Variants in NCAM2 observed in about 807,000 individuals in gnomAD.
NCAM2 encodes the protein neural cell adhesion molecule 2.
NCAM2 carries 30 observed loss-of-function variants against 98.1 expected under a neutral mutation model. That is an observed-to-expected ratio of 0.31 (90% CI 0.23 to 0.41). The LOEUF (loss-of-function observed/expected upper bound fraction) is 0.41, where lower values mean the gene tolerates loss of function less well. Among genes scored for constraint, NCAM2 ranks in the 10% least tolerant of loss-of-function variants. The pLI is 1.00. For synonymous variants in NCAM2, 368 were observed against 342.4 expected (o/e 1.07, Z -0.83); for missense variants, 867 against 1,005.8 (o/e 0.86, Z 1.87).
intron 9 of NCAM2, among the ~76,000 whole-genome samples, chr21:21,384,522 A>G (rs192312186): frequency 3.0e-4 from 46 of 152,046 alleles, no homozygotes; most frequent in Admixed American, 2.3e-3. Context: ...AATACCAAAT[A>G]TATTGGAAAT....
At chr21:21,174,240 A>T (rs1281687059) in intron 1 of NCAM2, among the ~76,000 whole-genome samples, 1 of 152,100 alleles carries the variant, frequency 6.6e-6, no homozygotes, top group Non-Finnish European at 1.5e-5. Flanking sequence ...CCTTTCTTTA[A>T]AGAGTCAGCC....
At chr21:21,199,130 G>A (rs921685676) in intron 1 of NCAM2, among the ~76,000 whole-genome samples, 2 of 152,144 alleles carry the variant, frequency 1.3e-5, no homozygotes, top group African/African-American at 4.8e-5. Flanking sequence ...TTTATAGTTT[G>A]TGGAAAGAGT....
intron 12 of NCAM2, among the ~76,000 whole-genome samples, chr21:21,461,883 C>T (rs1983024430): frequency 6.6e-6 from 1 of 151,924 alleles, no homozygotes; most frequent in African/African-American, 2.4e-5. Context: ...ATGGAATTCC[C>T]TCTGAAGTCA....
chr21:21,283,279 C>T (rs948428456), intron 2 of NCAM2, among the ~76,000 whole-genome samples: 4 of 151,876 alleles, frequency 2.6e-5, no homozygotes, highest in African/African-American at 9.7e-5. Flanking sequence ...CAAAGAGGTC[C>T]TGCAGATGTT....
At chr21:21,237,949 C>CTTTTTTTTT (rs71195313) in intron 1 of NCAM2, among the ~76,000 whole-genome samples, 16 of 114,488 alleles carry the variant, frequency 1.4e-4, no homozygotes, top group African/African-American at 2.8e-4. Context: ...CATTGTAATT[C>CTTTTTTTTT]TTTTTTTTTT....
intron 1 of NCAM2, among the ~76,000 whole-genome samples, chr21:21,068,528 C>T (rs1403941843): frequency 3.4e-5 from 5 of 146,116 alleles, no homozygotes; most frequent in African/African-American, 7.7e-5. Context: ...GGCGCAATCT[C>T]GGCTCACTGC....
At chr21:21,049,917 G>T (rs903790510) in intron 1 of NCAM2, among the ~76,000 whole-genome samples, 1 of 152,002 alleles carries the variant, frequency 6.6e-6, no homozygotes, top group Non-Finnish European at 1.5e-5. Flanking sequence ...CATATAAATG[G>T]GTTTTTGAAG....
intron 6 of NCAM2, among the ~76,000 whole-genome samples, chr21:21,329,492 A>G (rs899467271): frequency 2.6e-5 from 4 of 152,084 alleles, no homozygotes; most frequent in Non-Finnish European, 5.9e-5. Flanking sequence ...TTGACTGGGG[A>G]CATATTTTGT....
At chr21:21,361,987 A>G (rs1033739526) in intron 8 of NCAM2, among the ~76,000 whole-genome samples, 1 of 152,210 alleles carries the variant, frequency 6.6e-6, no homozygotes, top group Non-Finnish European at 1.5e-5. Context: ...CACAGATTAT[A>G]GAAATTCATA....
At chr21:21,498,126 C>T (rs756687160) in intron 15 of NCAM2, among the ~76,000 whole-genome samples, 83 of 151,878 alleles carry the variant, frequency 5.5e-4, no homozygotes, top group Admixed American at 1.1e-3. Context: ...TCATTATATA[C>T]GTATGTGAAA....
chr21:21,192,768 A>T (rs2068865274), intron 1 of NCAM2, among the ~76,000 whole-genome samples: 1 of 152,182 alleles, frequency 6.6e-6, no homozygotes, highest in African/African-American at 2.4e-5. Context: ...ACATGGTTCT[A>T]GCATGGGAAG....
At chr21:21,375,204 GA>G in intron 9 of NCAM2, among the ~76,000 whole-genome samples, 2 of 138,400 alleles carry the variant, frequency 1.4e-5, no homozygotes, top group East Asian at 4.2e-4. Flanking sequence ...AGGATAAAAA[GA>G]AAACAAAAAC....
At chr21:21,452,936 T>C (rs1272862280) in intron 12 of NCAM2, among the ~76,000 whole-genome samples, 2 of 97,680 alleles carry the variant, frequency 2.0e-5, no homozygotes, top group Non-Finnish European at 3.6e-5. Flanking sequence ...ATAATATATA[T>C]AATATAATTT....
At chr21:21,418,239 T>G (rs1048486150) in intron 10 of NCAM2, among the ~76,000 whole-genome samples, 2 of 152,070 alleles carry the variant, frequency 1.3e-5, no homozygotes, top group Admixed American at 1.3e-4. Flanking sequence ...ACTTAATGAA[T>G]TAATAGATAA....
At chr21:21,481,961 G>T (rs1221087227) in intron 15 of NCAM2, among the ~76,000 whole-genome samples, 2 of 151,986 alleles carry the variant, frequency 1.3e-5, no homozygotes, top group Non-Finnish European at 2.9e-5. Flanking sequence ...AACCGGGCAT[G>T]GTGACACCCG....
At chr21:21,053,180 T>C (rs1030599671) in intron 1 of NCAM2, among the ~76,000 whole-genome samples, 2 of 152,178 alleles carry the variant, frequency 1.3e-5, no homozygotes, top group Non-Finnish European at 2.9e-5. Context: ...TAAAATTTGC[T>C]TCTGAGTAAA....
At chr21:21,463,724 C>G (rs1983303348) in intron 12 of NCAM2, 1 of 152,024 alleles carries the variant, frequency 6.6e-6, no homozygotes, top group Non-Finnish European at 1.5e-5. Flanking sequence ...TTAGCCTTGG[C>G]AGAGGTAGTG....
At chr21:21,264,164 C>G (rs1404507371) in intron 1 of NCAM2, among the ~76,000 whole-genome samples, 1 of 152,006 alleles carries the variant, frequency 6.6e-6, no homozygotes, top group African/African-American at 2.4e-5. Context: ...AACAAATAAC[C>G]CTGTTAAAAA....
chr21:21,020,354 C>T (rs773699654), intron 1 of NCAM2, among the ~76,000 whole-genome samples: 2 of 152,170 alleles, frequency 1.3e-5, no homozygotes, highest in Non-Finnish European at 2.9e-5. Context: ...TTCAGTTTCC[C>T]TCTCAGGGCT....
Sources: allele counts gnomAD v4.1 joint callset (sites outside exome capture counted in the v4.1 genomes callset), GRCh38; gene constraint gnomAD v4.1.1; transcripts MANE v1.5; gene names NCBI Gene and HGNC (gene_info 2026-07-23, HGNC 2026-07-21).